The following CCNY variants were observed in gnomAD, a reference collection of about 807,000 sequenced individuals.
CCNY encodes the protein cyclin-Y.
In CCNY, 19 loss-of-function variants were observed where a neutral mutation model predicts 42.8. The ratio of observed to expected loss-of-function variants is 0.44; its 90% CI spans 0.31 to 0.65. CCNY has a LOEUF of 0.65. Ranked by LOEUF, CCNY falls within the 30% of genes least tolerant of loss-of-function variation. CCNY has a pLI of 0.07. For missense variants in CCNY, 370 were observed against 437.3 expected (o/e 0.85, Z 1.37); for synonymous variants, 165 against 162.7 (o/e 1.01, Z -0.11).
At chr10:35,341,588 T>C (rs144873408) in intron 1 of CCNY, among the ~76,000 whole-genome samples, 1 of 152,362 alleles carries the variant, frequency 6.6e-6, no homozygotes, top group East Asian at 1.9e-4. Context: ...AAATATTTGT[T>C]GAATGAATTT....
chr10:35,563,417 GCTGTT>G (rs1841504382), intron 8 of CCNY, among the ~76,000 whole-genome samples: 1 of 152,122 alleles, frequency 6.6e-6, no homozygotes, highest in African/African-American at 2.4e-5. Flanking sequence ...GGATTATCAG[GCTGTT>G]CTCTTAGACT....
At chr10:35,283,558 C>A (rs556705896) in intron 3 of CCNY, among the ~76,000 whole-genome samples, 2 of 152,250 alleles carry the variant, frequency 1.3e-5, no homozygotes, top group South Asian at 2.1e-4. Flanking sequence ...CACGTGCCAC[C>A]ACGCTTGGCT....
chr10:35,516,688 T>TTTTA (rs1554797218), intron 4 of CCNY, 65 bp downstream of exon 4: 7 of 829,342 alleles, frequency 8.4e-6, no homozygotes, highest in Non-Finnish European at 1.1e-5. Context: ...TTTTTTTTTT[T>TTTTA]ACTTAACTGA....
intron 8 of CCNY, among the ~76,000 whole-genome samples, chr10:35,557,880 T>G (rs1421632220): frequency 1.3e-5 from 2 of 152,230 alleles, no homozygotes; most frequent in East Asian, 3.8e-4. Context: ...GTATGATGAT[T>G]ATTGAAACCA....
intron 3 of CCNY, among the ~76,000 whole-genome samples, chr10:35,303,803 GGGAAGGAAGGAAGGAAGGAAAGAA>G: frequency 7.0e-6 from 1 of 142,646 alleles, no homozygotes; most frequent in South Asian, 2.2e-4. Context: ...AAAAAAAAGA[GGGAAGGAAGGAAGGAAGGAAAGAA>G]GGAAGGAAGG....
At chr10:35,566,369 G>C in intron 9 of CCNY, 184 bp downstream of exon 9, 5 of 664,056 alleles carry the variant, frequency 7.5e-6, no homozygotes, top group Non-Finnish European at 9.7e-6. Context: ...CTTTGAGACG[G>C]AGTCTCGCTC....
At chr10:35,453,443 G>A (rs1838962089) in intron 1 of CCNY, among the ~76,000 whole-genome samples, 1 of 152,018 alleles carries the variant, frequency 6.6e-6, no homozygotes, top group African/African-American at 2.4e-5. Context: ...AATCAATATG[G>A]TAATGAACAT....
At chr10:35,370,859 G>GCACCTGC (rs1171010222) in intron 1 of CCNY, among the ~76,000 whole-genome samples, 1 of 151,462 alleles carries the variant, frequency 6.6e-6, no homozygotes, top group Non-Finnish European at 1.5e-5. Context: ...GAGACTACAG[G>GCACCTGC]CACCTGCCAC....
intron 2 of CCNY, among the ~76,000 whole-genome samples, chr10:35,491,437 A>G (rs544450857): frequency 6.6e-6 from 1 of 152,016 alleles, no homozygotes; most frequent in African/African-American, 2.4e-5. Flanking sequence ...CTCTTCCAGG[A>G]CCCCTGGCAA....
At chr10:35,325,679 G>C (rs1835871753) in intron 3 of CCNY, among the ~76,000 whole-genome samples, 1 of 151,888 alleles carries the variant, frequency 6.6e-6, no homozygotes, top group Admixed American at 6.6e-5. Flanking sequence ...ATGTTGATCA[G>C]GCTGGTCTTG....
chr10:35,327,391 TATC>T (rs1478966094), intron 3 of CCNY, among the ~76,000 whole-genome samples: 1 of 152,220 alleles, frequency 6.6e-6, no homozygotes, highest in Non-Finnish European at 1.5e-5. Context: ...TGTAATTAGT[TATC>T]ATTCATGGGC....
At chr10:35,277,855 C>T (rs1835256901) in intron 3 of CCNY, among the ~76,000 whole-genome samples, 1 of 152,116 alleles carries the variant, frequency 6.6e-6, no homozygotes, top group Admixed American at 6.6e-5. Context: ...CCTGTGCACC[C>T]CAATTGGCCC....
intron 7 of CCNY, among the ~76,000 whole-genome samples, chr10:35,538,553 C>T (rs1173690143): frequency 6.6e-6 from 1 of 152,130 alleles, no homozygotes; most frequent in Non-Finnish European, 1.5e-5. Context: ...ATTTGCATTT[C>T]CCTGAGGATT....
chr10:35,566,253 C>G, intron 9 of CCNY, 68 bp downstream of exon 9: 2 of 1,429,436 alleles, frequency 1.4e-6, no homozygotes, highest in Non-Finnish European at 1.9e-6. Flanking sequence ...ACCAGAGATG[C>G]ATGTGGTCAC....
intron 3 of CCNY, among the ~76,000 whole-genome samples, chr10:35,302,049 C>T (rs749167480): frequency 1.3e-5 from 2 of 151,640 alleles, no homozygotes; most frequent in African/African-American, 2.4e-5. Context: ...CTGCAACCTC[C>T]GCCTCCCAGG....
chr10:35,506,309 C>T (rs971571802), intron 3 of CCNY, among the ~76,000 whole-genome samples: 10 of 152,116 alleles, frequency 6.6e-5, no homozygotes, highest in African/African-American at 2.4e-4. Context: ...CTAAAGGAAC[C>T]TTAGATGCTC....
intron 3 of CCNY, among the ~76,000 whole-genome samples, chr10:35,268,403 G>A (rs1268705803): frequency 2.0e-5 from 3 of 152,106 alleles, no homozygotes; most frequent in South Asian, 2.1e-4. Flanking sequence ...TCTTTGCCTC[G>A]TGTCCCACAT....
At position 35,479,236 on chromosome 10, in the gene CCNY, C is replaced by T. The variant is rs1162528943; in HGVS notation, c.155-4168C>T. Among the ~76,000 whole-genome samples the T allele has an allele frequency of 2.0e-5, 3 of 151,748 alleles. No individual in the cohort carries two copies. In the South Asian group the frequency reaches 6.3e-4, roughly 32 times the overall value. On this transcript the variant is annotated intron_variant, in intron 1 of 9. Transcript: ENST00000374704. Reference sequence around the variant, plus strand: ...ATCTAGAACTAGAAATACCATTTGACCCAGCCATCCCATTACTGGGTATAT... The same window carrying T: ...ATCTAGAACTAGAAATACCATTTGATCCAGCCATCCCATTACTGGGTATAT...
intron 1 of CCNY, among the ~76,000 whole-genome samples, chr10:35,380,659 G>A (rs1266001570): frequency 6.6e-6 from 1 of 152,096 alleles, no homozygotes; most frequent in African/African-American, 2.4e-5. Flanking sequence ...AGCCTTTTGG[G>A]GTTAGATACA....
Sources: gnomAD v4.1 joint callset for allele counts (sites outside exome capture counted in the v4.1 genomes callset) on GRCh38, gnomAD v4.1.1 for gene constraint, MANE v1.5 for transcripts, NCBI Gene and HGNC (gene_info 2026-07-23, HGNC 2026-07-21) for gene names.